Variants in CACNA1C observed in about 807,000 individuals in gnomAD.
CACNA1C encodes calcium voltage-gated channel subunit alpha1 C.
CACNA1C carries 30 observed loss-of-function variants against 229.0 expected under a neutral mutation model. The observed-to-expected ratio is 0.13, with a 90% CI of 0.10 to 0.18. CACNA1C has a LOEUF of 0.18. Among genes scored for constraint, CACNA1C ranks in the 10% least tolerant of loss-of-function variants. CACNA1C has a pLI of 1.00. For missense variants in CACNA1C, 1,658 were observed against 2,845.0 expected, an observed-to-expected ratio of 0.58 and a Z score of 9.49; for synonymous variants, 1,114 against 1,132.5, an observed-to-expected ratio of 0.98 and a Z score of 0.33.
chr12:2,589,810 G>A (rs932529999), intron 18 of CACNA1C, among the ~76,000 whole-genome samples: 10 of 152,222 alleles, frequency 6.6e-5, no homozygotes, highest in African/African-American at 1.7e-4. Flanking sequence ...GGATGGTGCC[G>A]GAGATGCAGA....
intron 3 of CACNA1C, among the ~76,000 whole-genome samples, chr12:2,368,924 A>G (rs1349711829): frequency 1.3e-5 from 2 of 152,250 alleles, no homozygotes; most frequent in African/African-American, 2.4e-5. Context: ...ACAGATGAAC[A>G]GAATGGTGCG....
intron 3 of CACNA1C, among the ~76,000 whole-genome samples, chr12:2,189,140 A>G (rs183289118): frequency 1.6e-3 from 242 of 151,168 alleles, no homozygotes; most frequent in Middle Eastern, 3.5e-3. Flanking sequence ...AACGTGAAGC[A>G]TCAAACAGCT....
intron 5 of CACNA1C, among the ~76,000 whole-genome samples, chr12:2,462,294 C>A (rs1227663419): frequency 2.3e-5 from 2 of 87,368 alleles, no homozygotes; most frequent in Non-Finnish European, 5.3e-5. Context: ...GGCACCCCCT[C>A]GGCTCAGCTC....
Position 2,459,291 on chromosome 12 carries a change from C to T in CACNA1C, c.757+1585C>T, listed in dbSNP as rs560717573. 4.6e-5 allele frequency among the ~76,000 whole-genome samples: 7 copies of T among 151,338 alleles called. No individual in the cohort carries two copies. In the East Asian group the frequency reaches 9.7e-4, roughly 21 times the overall value. On this transcript the variant is annotated intron_variant, in intron 5 of 46. Coordinates refer to ENST00000399655, the MANE Select transcript of CACNA1C (RefSeq NM_000719.7). ...TGGCCTCCCAAAGTGCTGAGATTAC[C>T]GGCATGAGCCACTGCGCCCGGCCAA...
intron 1 of CACNA1C, among the ~76,000 whole-genome samples, chr12:1,985,808 A>C (rs2037523555): frequency 1.3e-5 from 2 of 151,590 alleles, no homozygotes; most frequent in African/African-American, 4.8e-5. Context: ...TATCAGTTCC[A>C]TTTTCTTTTT....
chr12:2,407,859 A>G (rs1032273648), intron 3 of CACNA1C, among the ~76,000 whole-genome samples: 5 of 152,340 alleles, frequency 3.3e-5, no homozygotes, highest in Non-Finnish European at 5.9e-5. Context: ...AGAAATGTCT[A>G]TTCAAATCCT....
At chr12:2,075,128 C>G (rs1014385252) in intron 1 of CACNA1C, among the ~76,000 whole-genome samples, 1 of 152,206 alleles carries the variant, frequency 6.6e-6, no homozygotes, top group African/African-American at 2.4e-5. Flanking sequence ...CTTTTCACCC[C>G]CGCTCTCCTT....
chr12:2,414,816 A>G (rs561001113), intron 3 of CACNA1C, among the ~76,000 whole-genome samples: 271 of 152,336 alleles, frequency 1.8e-3, no homozygotes, highest in African/African-American at 5.9e-3. Flanking sequence ...ACTTCTAGCC[A>G]GAGGGCAGTC....
intron 3 of CACNA1C, among the ~76,000 whole-genome samples, chr12:2,157,018 G>T (rs926001756): frequency 2.0e-5 from 3 of 152,178 alleles, no homozygotes; most frequent in African/African-American, 7.2e-5. Context: ...AATTAAACTT[G>T]CAGCTCACAA....
chr12:2,228,892 C>T (rs2063838494), intron 3 of CACNA1C, among the ~76,000 whole-genome samples: 3 of 152,162 alleles, frequency 2.0e-5, no homozygotes, highest in African/African-American at 7.2e-5. Context: ...ACATCTCTAA[C>T]AGTGAGTGAT....
At chr12:2,097,348 A>G (rs2079858) in intron 1 of CACNA1C, among the ~76,000 whole-genome samples, 15,197 of 151,848 alleles carry the variant, frequency 0.1, 1,284 homozygotes, top group African/African-American at 0.23. Flanking sequence ...GGGTTTCACC[A>G]TGTTAGCCAG....
At chr12:2,603,056 C>A (rs1252288757) in intron 22 of CACNA1C, among the ~76,000 whole-genome samples, 1 of 152,284 alleles carries the variant, frequency 6.6e-6, no homozygotes, top group Non-Finnish European at 1.5e-5. Flanking sequence ...TGGCTGAGAT[C>A]ATGCAGGGAC....
chr12:2,185,026 G>A (rs774862695), intron 3 of CACNA1C, among the ~76,000 whole-genome samples: 7 of 152,070 alleles, frequency 4.6e-5, no homozygotes, highest in East Asian at 1.9e-4. Context: ...CTTACTCCGC[G>A]TGGCTCATTG....
chr12:2,486,518 A>G lies in CACNA1C; in HGVS notation c.916+256A>G, dbSNP rs1597777036. Among the ~76,000 whole-genome samples the G allele has an allele frequency of 6.6e-6, 1 of 152,356 alleles. No individual in the cohort carries two copies. Among genetic ancestry groups the G allele is most frequent in the South Asian group, 2.1e-4 (1 of 4,828 alleles). ...ACTTTTCAATAAGCTACACAATTTG[A>G]GAAACATTTGAATAACTTAGAACCT... On this transcript the variant is annotated intron_variant, in intron 6 of 46. Coordinates refer to ENST00000399655, the MANE Select transcript of CACNA1C (RefSeq NM_000719.7). This position sits in a 1 kb window ranked among gnomAD's most constrained non-coding sequence, Gnocchi z 4.9.
At chr12:2,020,777 G>A (rs752630734) in intron 1 of CACNA1C, among the ~76,000 whole-genome samples, 4 of 152,164 alleles carry the variant, frequency 2.6e-5, no homozygotes, top group African/African-American at 9.7e-5. Context: ...AGATTTGAAC[G>A]CCATCTGCCT....
Position 2,104,445 on chromosome 12 carries a change from G to T in CACNA1C, c.50-10779G>T, listed in dbSNP as rs1048421098. On this transcript the variant is annotated intron_variant, in intron 1 of 46. Transcript: ENST00000399655. The stretch of plus-strand genomic sequence containing the variant: ...TGTATCCTGAGACTTTGCTGAAGTT[G>T]CTTATCAGCTTAAGGAGATTTGGGG... 5.9e-5 allele frequency among the ~76,000 whole-genome samples: 9 copies of T among 152,184 alleles called. 1 individual carries two copies. The highest frequency in any genetic ancestry group is 5.9e-4 in the Admixed American group (9 of 15,276).
At chr12:2,365,569 C>G (rs1594259712) in intron 3 of CACNA1C, among the ~76,000 whole-genome samples, 1 of 152,230 alleles carries the variant, frequency 6.6e-6, no homozygotes, top group Non-Finnish European at 1.5e-5. Context: ...ATGTCTACCA[C>G]TGGCCTTCAT....
intron 9 of CACNA1C, among the ~76,000 whole-genome samples, chr12:2,523,571 C>A (rs889538696): frequency 6.6e-6 from 1 of 150,412 alleles, no homozygotes; most frequent in African/African-American, 2.5e-5. Flanking sequence ...AACCTCAGCA[C>A]TATGGGGCCC....
At chr12:2,373,761 G>T (rs939719469) in intron 3 of CACNA1C, among the ~76,000 whole-genome samples, 2 of 152,082 alleles carry the variant, frequency 1.3e-5, no homozygotes, top group African/African-American at 4.8e-5. Context: ...TTTTCCTTTT[G>T]CCTTTCCATT....
Sources: gnomAD v4.1 joint callset for allele counts (sites outside exome capture counted in the v4.1 genomes callset) on GRCh38, gnomAD v4.1.1 for gene constraint, Gnocchi (gnomAD v3.1) non-coding constraint, MANE v1.5 for transcripts, NCBI Gene and HGNC (gene_info 2026-07-23, HGNC 2026-07-21) for gene names.